The following PLPPR1 variants were observed in gnomAD, a reference collection of about 807,000 sequenced individuals.
PLPPR1 encodes the protein phospholipid phosphatase related 1, also known as phospholipid phosphatase-related protein type 1.
A neutral mutation model predicts 33.1 loss-of-function variants in PLPPR1; 10 were observed. That is an observed-to-expected ratio of 0.30 (90% confidence interval 0.19 to 0.51). The LOEUF (loss-of-function observed/expected upper bound fraction) is 0.51, where lower values mean the gene tolerates loss of function less well. Among genes scored for constraint, PLPPR1 ranks in the 20% least tolerant of loss-of-function variants. The pLI is 0.97. For synonymous variants in PLPPR1, 151 were observed against 151.0 expected, an observed-to-expected ratio of 1.00 and a Z score of 0.00; for missense variants, 304 against 408.1, an observed-to-expected ratio of 0.74 and a Z score of 2.20.
chr9:101,214,422 GCA>G (rs984455291), intron 2 of PLPPR1, among the ~76,000 whole-genome samples: 4 of 151,620 alleles, frequency 2.6e-5, no homozygotes, highest in African/African-American at 7.3e-5. Flanking sequence ...ATATACACAT[GCA>G]CACACACACA....
intron 1 of PLPPR1, among the ~76,000 whole-genome samples, chr9:101,134,432 G>C (rs868826552): frequency 1.3e-5 from 2 of 151,554 alleles, no homozygotes; most frequent in South Asian, 2.1e-4. Flanking sequence ...ACCCAGGCTG[G>C]AGTGCAGTGG....
chr9:101,059,128 T>C (rs1226614887), intron 1 of PLPPR1, among the ~76,000 whole-genome samples: 1 of 152,104 alleles, frequency 6.6e-6, no homozygotes, highest in Non-Finnish European at 1.5e-5. Flanking sequence ...CTTAAATAAC[T>C]TTTTTTGTGT....
At chr9:101,129,563 G>A (rs909932623) in intron 1 of PLPPR1, among the ~76,000 whole-genome samples, 1 of 152,222 alleles carries the variant, frequency 6.6e-6, no homozygotes, top group South Asian at 2.1e-4. Flanking sequence ...TGGGTGCAGT[G>A]TCTCACGCCT....
At chr9:101,101,837 G>C (rs1386757865) in intron 1 of PLPPR1, among the ~76,000 whole-genome samples, 1 of 152,012 alleles carries the variant, frequency 6.6e-6, no homozygotes, top group Non-Finnish European at 1.5e-5. Flanking sequence ...ACCCAATACA[G>C]ATAACCCTAA....
intron 2 of PLPPR1, among the ~76,000 whole-genome samples, chr9:101,213,456 A>T (rs1161099357): frequency 2.6e-5 from 4 of 152,194 alleles, no homozygotes; most frequent in African/African-American, 7.2e-5. Flanking sequence ...AAATAGTAAA[A>T]GTGCAGAAGC....
chr9:101,057,711 T>C (rs1218432898), intron 1 of PLPPR1, among the ~76,000 whole-genome samples: 3 of 152,202 alleles, frequency 2.0e-5, no homozygotes, highest in Non-Finnish European at 4.4e-5. Flanking sequence ...TTTAGAGATA[T>C]TATCTTAGTA....
intron 4 of PLPPR1, among the ~76,000 whole-genome samples, chr9:101,292,818 A>G (rs1016461786): frequency 9.2e-4 from 140 of 152,040 alleles, no homozygotes; most frequent in African/African-American, 3.2e-3. Flanking sequence ...TAAACATGGA[A>G]AGGAACAACC....
At chr9:101,128,488 G>A (rs893222808) in intron 1 of PLPPR1, among the ~76,000 whole-genome samples, 3 of 152,122 alleles carry the variant, frequency 2.0e-5, no homozygotes, top group Non-Finnish European at 2.9e-5. Flanking sequence ...GCCAAATTCA[G>A]TTTCCATTTG....
rs557730811 is a variant in PLPPR1 at position 101,079,334 on chromosome 9, T to A, written c.-46+50232T>A. ...GTTTCCTGAAATTCATTATTTCTAC[T>A]TTCTTAATTTACTCCTTTGTTTTGC... On this transcript the variant is annotated intron_variant, in intron 1 of 7. Coordinates refer to ENST00000374874, the MANE Select transcript of PLPPR1 (RefSeq NM_207299.2). 4.0e-4 allele frequency among the ~76,000 whole-genome samples: 61 copies of A among 152,328 alleles called. 1 individual carries two copies. In the South Asian group the frequency reaches 0.012, roughly 31 times the overall value.
At chr9:101,314,602 T>TA (rs200723396) in intron 6 of PLPPR1, among the ~76,000 whole-genome samples, 10,907 of 141,118 alleles carry the variant, frequency 0.077, 501 homozygotes, top group Middle Eastern at 0.19. Context: ...GCATTATGTC[T>TA]AAAAAAAAAA....
intron 1 of PLPPR1, among the ~76,000 whole-genome samples, chr9:101,076,037 T>A (rs572414648): frequency 1.3e-5 from 2 of 152,184 alleles, no homozygotes; most frequent in South Asian, 4.1e-4. Context: ...AGCTGGAGAT[T>A]GGACAGGGAC....
intron 1 of PLPPR1, among the ~76,000 whole-genome samples, chr9:101,092,477 C>A (rs941790709): frequency 2.9e-4 from 44 of 152,170 alleles, no homozygotes; most frequent in African/African-American, 1.0e-3. Flanking sequence ...AGGGTATCAC[C>A]ATAGTTTAAA....
At chr9:101,101,271 A>G (rs1393142066) in intron 1 of PLPPR1, among the ~76,000 whole-genome samples, 1 of 152,156 alleles carries the variant, frequency 6.6e-6, no homozygotes, top group African/African-American at 2.4e-5. Flanking sequence ...ACATATCATC[A>G]TATATTTCTC....
At chr9:101,288,289 T>G (rs978581659) in intron 4 of PLPPR1, among the ~76,000 whole-genome samples, 1 of 152,186 alleles carries the variant, frequency 6.6e-6, no homozygotes, top group African/African-American at 2.4e-5. Context: ...ACCGTTAAAG[T>G]AGAAATTTGT....
chr9:101,175,648 C>T (rs962380182), intron 1 of PLPPR1, among the ~76,000 whole-genome samples: 1 of 152,124 alleles, frequency 6.6e-6, no homozygotes, highest in Non-Finnish European at 1.5e-5. Context: ...CTTATTGCTT[C>T]TAGTCATGCC....
chr9:101,237,829 A>G (rs867786311), intron 2 of PLPPR1, among the ~76,000 whole-genome samples: 1 of 79,642 alleles, frequency 1.3e-5, no homozygotes, highest in African/African-American at 6.2e-5. Flanking sequence ...ATATATATAT[A>G]TATATATGCT....
chr9:101,282,996 A>G (rs1828330337), intron 3 of PLPPR1, among the ~76,000 whole-genome samples: 1 of 152,180 alleles, frequency 6.6e-6, no homozygotes, highest in Non-Finnish European at 1.5e-5. Flanking sequence ...TTTGCTACCA[A>G]AATATCAATG....
At chr9:101,033,344 G>T (rs1564126096) in intron 1 of PLPPR1, among the ~76,000 whole-genome samples, 1 of 152,200 alleles carries the variant, frequency 6.6e-6, no homozygotes, top group Non-Finnish European at 1.5e-5. Flanking sequence ...GGTTAGCTCA[G>T]GAAAGTAAAA....
At chr9:101,036,701 C>CA (rs5899427) in intron 1 of PLPPR1, among the ~76,000 whole-genome samples, 5,233 of 103,440 alleles carry the variant, frequency 0.051, 160 homozygotes, top group African/African-American at 0.081. Flanking sequence ...CTATTTCTGC[C>CA]AAAAAAAAAA....
Sources: gnomAD v4.1 joint callset for allele counts (sites outside exome capture counted in the v4.1 genomes callset) on GRCh38, gnomAD v4.1.1 for gene constraint, MANE v1.5 for transcripts, NCBI Gene and HGNC (gene_info 2026-07-23, HGNC 2026-07-21) for gene names.